The following PDZRN3 variants were observed in gnomAD, a reference collection of about 807,000 sequenced individuals.
PDZRN3 encodes PDZ domain containing ring finger 3, also known as E3 ubiquitin-protein ligase PDZRN3.
A neutral mutation model predicts 85.7 loss-of-function variants in PDZRN3; 38 were observed. That is an observed-to-expected ratio of 0.44 (90% confidence interval 0.34 to 0.58). PDZRN3 has a LOEUF of 0.58. Ranked by LOEUF, PDZRN3 falls within the 20% of genes least tolerant of loss-of-function variation. The probability of loss-of-function intolerance (pLI) is 0.01; values close to 1 mark genes in which losing one functional copy is unlikely to be tolerated. For missense variants in PDZRN3, 1,629 were observed against 1,506.4 expected (o/e 1.08, Z -1.35); for synonymous variants, 759 against 638.0 (o/e 1.19, Z -2.86).
chr3:73,426,014 A>G (rs1250747051), intron 3 of PDZRN3, among the ~76,000 whole-genome samples: 1 of 152,152 alleles, frequency 6.6e-6, no homozygotes, highest in Non-Finnish European at 1.5e-5. Flanking sequence ...TCTACCCATC[A>G]TCATTCACAT....
chr3:73,404,643 G>C (rs1251567203), intron 3 of PDZRN3: 2 of 451,822 alleles, frequency 4.4e-6, no homozygotes, highest in East Asian at 3.7e-5. Flanking sequence ...CTTCCCCGTG[G>C]AATGTCTTTA....
At chr3:73,610,475 G>A (rs1575762780) in intron 1 of PDZRN3, among the ~76,000 whole-genome samples, 1 of 152,148 alleles carries the variant, frequency 6.6e-6, no homozygotes, top group East Asian at 1.9e-4. Flanking sequence ...AGAAAATCCA[G>A]AATCAACCTA....
At chr3:73,458,995 C>CAA (rs35284667) in intron 3 of PDZRN3, among the ~76,000 whole-genome samples, 6,777 of 124,040 alleles carry the variant, frequency 0.055, 192 homozygotes, top group Middle Eastern at 0.13. Context: ...CCATCTCAAA[C>CAA]AAAAAAAAAA....
intron 3 of PDZRN3, among the ~76,000 whole-genome samples, chr3:73,527,775 T>C (rs979890190): frequency 4.6e-5 from 7 of 152,068 alleles, no homozygotes; most frequent in African/African-American, 1.7e-4. Context: ...GGGCTCGGCA[T>C]TGTTGAAAGA....
chr3:73,401,131 A>G, intron 4 of PDZRN3, 122 bp from the exon 5 acceptor site: 1 of 713,788 alleles, frequency 1.4e-6, no homozygotes, highest in East Asian at 2.6e-5. Context: ...TTCATGACTC[A>G]CTTCCCTCTG....
At chr3:73,608,944 A>G (rs1408357685) in intron 1 of PDZRN3, among the ~76,000 whole-genome samples, 1 of 152,210 alleles carries the variant, frequency 6.6e-6, no homozygotes, top group Non-Finnish European at 1.5e-5. Context: ...AGACATGCCC[A>G]ATGAACATTT....
chr3:73,460,355 G>GGACA (rs1703079147), intron 3 of PDZRN3, among the ~76,000 whole-genome samples: 1 of 152,108 alleles, frequency 6.6e-6, no homozygotes. Flanking sequence ...TGTCTTTCAT[G>GGACA]GACATGAGCT....
intron 3 of PDZRN3, among the ~76,000 whole-genome samples, chr3:73,501,254 C>A (rs922722036): frequency 1.3e-5 from 2 of 152,232 alleles, no homozygotes; most frequent in South Asian, 2.1e-4. Flanking sequence ...AAAATCACAT[C>A]CACTCCTCAC....
intron 3 of PDZRN3, among the ~76,000 whole-genome samples, chr3:73,587,225 T>C (rs531828044): frequency 3.9e-5 from 6 of 152,250 alleles, no homozygotes; most frequent in African/African-American, 1.4e-4. Context: ...AAAATACCAA[T>C]ACCAGACTAC....
chr3:73,566,594 G>A (rs1425299070), intron 3 of PDZRN3, among the ~76,000 whole-genome samples: 1 of 152,150 alleles, frequency 6.6e-6, no homozygotes, highest in Non-Finnish European at 1.5e-5. Context: ...TCTCTTTGCT[G>A]CCTTTCCTTT....
rs550077077 is a variant in PDZRN3, at chr3:73,452,807, G to C, written c.919-48412C>G. On this transcript the variant is annotated intron_variant, in intron 3 of 9. Transcript: ENST00000263666. ...TATTTTAAGATATTCATGAGGCAAC[G>C]ACTAGTGCCAATTCTCTAACGGTCC... 2.3e-3 allele frequency among the ~76,000 whole-genome samples: 344 copies of C among 147,000 alleles called. 1 individual carries two copies. The highest frequency in any genetic ancestry group is 3.7e-3 in the Non-Finnish European group (250 of 67,052).
In PDZRN3 at chr3:73,427,448, G is replaced by A. The variant is rs181544903; in HGVS notation, c.919-23053C>T. Among the ~76,000 whole-genome samples, 266 of 149,638 alleles carry A rather than the reference G, an allele frequency of 1.8e-3. 2 individuals carry two copies. The highest frequency in any genetic ancestry group is 2.7e-3 in the Non-Finnish European group (184 of 67,436). On this transcript the variant is annotated intron_variant, in intron 3 of 9. Transcript: ENST00000263666. Reference sequence around the variant, plus strand: ...GTGCATTACCCACCCCCCCACCACCGCCCACATTTAACCATGACCTCTTCC... The same window carrying A: ...GTGCATTACCCACCCCCCCACCACCACCCACATTTAACCATGACCTCTTCC...
At chr3:73,617,350 C>T (rs71300580) in intron 1 of PDZRN3, among the ~76,000 whole-genome samples, 2 of 152,166 alleles carry the variant, frequency 1.3e-5, no homozygotes, top group African/African-American at 4.8e-5. Flanking sequence ...TATACCACTT[C>T]CCTTTCTTAT....
At chr3:73,544,394 T>C (rs1381335138) in intron 3 of PDZRN3, among the ~76,000 whole-genome samples, 1 of 152,218 alleles carries the variant, frequency 6.6e-6, no homozygotes, top group Non-Finnish European at 1.5e-5. Context: ...TTTGGATTTT[T>C]TTTTTCCTAT....
intron 1 of PDZRN3, among the ~76,000 whole-genome samples, chr3:73,623,273 G>T (rs974394655): frequency 2.6e-5 from 4 of 152,200 alleles, no homozygotes; most frequent in African/African-American, 9.7e-5. Flanking sequence ...GAGGGATCTG[G>T]GAATTAAGCC....
chr3:73,554,060 G>A (rs1158202928), intron 3 of PDZRN3, among the ~76,000 whole-genome samples: 1 of 152,218 alleles, frequency 6.6e-6, no homozygotes, highest in Admixed American at 6.5e-5. Context: ...GGCATGACCA[G>A]CACAGAGCTG....
intron 1 of PDZRN3, chr3:73,623,574 C>G (rs1702902421): frequency 6.6e-6 from 1 of 151,926 alleles, no homozygotes; most frequent in South Asian, 2.1e-4. Context: ...CCCCAGAGGC[C>G]TCTCTTCTGA....
intron 3 of PDZRN3, among the ~76,000 whole-genome samples, chr3:73,468,149 G>A (rs1559695304): frequency 6.6e-6 from 1 of 151,586 alleles, no homozygotes; most frequent in African/African-American, 2.4e-5. Flanking sequence ...GAAGAGGGAG[G>A]CAGAGAGGAG....
At chr3:73,438,013 T>C (rs1474984261) in intron 3 of PDZRN3, among the ~76,000 whole-genome samples, 1 of 152,216 alleles carries the variant, frequency 6.6e-6, no homozygotes, top group Non-Finnish European at 1.5e-5. Context: ...AGGCACACAT[T>C]GTTTGATGAA....
Sources: allele counts gnomAD v4.1 joint callset (sites outside exome capture counted in the v4.1 genomes callset), GRCh38; gene constraint gnomAD v4.1.1; transcripts MANE v1.5; gene names NCBI Gene and HGNC (gene_info 2026-07-23, HGNC 2026-07-21).